The following CSMD1 variants were observed in gnomAD, a reference collection of about 807,000 sequenced individuals.
The protein encoded by CSMD1 is CUB and Sushi multiple domains 1.
A neutral mutation model predicts 417.5 loss-of-function variants in CSMD1; 213 were observed. The observed-to-expected ratio is 0.51, with a 90% confidence interval of 0.46 to 0.57. The LOEUF is 0.57. CSMD1 is among the 20% of genes least tolerant of loss of function. The pLI is 0.00. For synonymous variants in CSMD1, 2,862 were observed against 1,736.8 expected (o/e 1.65, Z -16.11); for missense variants, 6,923 against 4,529.7 (o/e 1.53, Z -15.17).
At chr8:4,899,935 C>T (rs959196970) in intron 1 of CSMD1, among the ~76,000 whole-genome samples, 21 of 152,254 alleles carry the variant, frequency 1.4e-4, no homozygotes, top group African/African-American at 4.8e-4. Flanking sequence ...GTCTTGTTCA[C>T]AGTAGGCCTT....
At chr8:3,185,898 G>A (rs1028387948) in intron 36 of CSMD1, among the ~76,000 whole-genome samples, 1 of 152,168 alleles carries the variant, frequency 6.6e-6, no homozygotes, top group Non-Finnish European at 1.5e-5. Context: ...TCTGAGTGTA[G>A]AGAAACAGAC....
rs181190082 is a variant in CSMD1 at position 3,507,893 on chromosome 8, G to A, written c.1345-14167C>T. 3.3e-5 allele frequency among the ~76,000 whole-genome samples: 5 copies of A among 152,104 alleles called. No homozygotes were observed. In the South Asian group the frequency reaches 6.2e-4, roughly 19 times the overall value. ...TGCAAATTTGTTTGAGTTCATTGTA[G>A]ATTCTGGATATTAGCCCTTTGTCAG... On this transcript the variant is annotated intron_variant, in intron 10 of 69. Transcript: ENST00000635120.
At chr8:3,515,548 G>C (rs901011004) in intron 10 of CSMD1, among the ~76,000 whole-genome samples, 6 of 152,170 alleles carry the variant, frequency 3.9e-5, no homozygotes, top group African/African-American at 1.4e-4. Flanking sequence ...TGAGAAAGCA[G>C]GACATGCTCT....
intron 7 of CSMD1, among the ~76,000 whole-genome samples, chr8:3,655,000 A>G (rs1331604546): frequency 6.6e-6 from 1 of 152,218 alleles, no homozygotes; most frequent in Non-Finnish European, 1.5e-5. Context: ...AGAAAGGGAG[A>G]CAGCAATAAC....
intron 1 of CSMD1, among the ~76,000 whole-genome samples, chr8:4,885,342 T>C (rs914504150): frequency 1.3e-5 from 2 of 152,134 alleles, no homozygotes; most frequent in African/African-American, 2.4e-5. Context: ...TCTTGCCTAA[T>C]ATGCTTTCTA....
At chr8:4,767,451 T>C (rs2164906) in intron 1 of CSMD1, among the ~76,000 whole-genome samples, 75,945 of 151,548 alleles carry the variant, frequency 0.5, 19,290 homozygotes, top group Admixed American at 0.64. Flanking sequence ...ATCCCGCACA[T>C]AGCTCACTGG....
intron 10 of CSMD1, among the ~76,000 whole-genome samples, chr8:3,553,869 C>T (rs1259751683): frequency 4.6e-5 from 7 of 152,210 alleles, no homozygotes; most frequent in East Asian, 3.9e-4. Context: ...ATGCCAAACA[C>T]GTACACATAC....
At chr8:4,082,667 G>C (rs1030736527) in intron 3 of CSMD1, among the ~76,000 whole-genome samples, 4 of 151,750 alleles carry the variant, frequency 2.6e-5, no homozygotes, top group South Asian at 2.1e-4. Context: ...ACAATGTGCA[G>C]GTTAGTTACA....
At chr8:4,298,077 G>T (rs879316543) in intron 3 of CSMD1, among the ~76,000 whole-genome samples, 1 of 152,020 alleles carries the variant, frequency 6.6e-6, no homozygotes, top group Non-Finnish European at 1.5e-5. Flanking sequence ...GCGTCTCTCT[G>T]GTGAAAACCC....
chr8:4,160,862 G>C (rs189178108), intron 3 of CSMD1, among the ~76,000 whole-genome samples: 70 of 152,294 alleles, frequency 4.6e-4, no homozygotes, highest in African/African-American at 1.6e-3. Context: ...TTTCCTTAAG[G>C]AGAAATTCTA....
intron 49 of CSMD1, among the ~76,000 whole-genome samples, chr8:3,078,881 T>C (rs1437842540): frequency 6.6e-6 from 1 of 152,186 alleles, no homozygotes; most frequent in Non-Finnish European, 1.5e-5. Flanking sequence ...TCTGACTGCA[T>C]GCGAGTTCCT....
intron 1 of CSMD1, among the ~76,000 whole-genome samples, chr8:4,801,814 T>C (rs937535077): frequency 6.6e-6 from 1 of 152,208 alleles, no homozygotes; most frequent in African/African-American, 2.4e-5. Flanking sequence ...ATACAGCTAC[T>C]CTTTTCTAAA....
chr8:3,618,973 G>C (rs1246620727), intron 7 of CSMD1, among the ~76,000 whole-genome samples: 3 of 152,102 alleles, frequency 2.0e-5, no homozygotes, highest in Non-Finnish European at 2.9e-5. Context: ...GGTCAGATGA[G>C]GAAGGGCGGC....
intron 1 of CSMD1, among the ~76,000 whole-genome samples, chr8:4,927,481 T>C: frequency 6.6e-6 from 1 of 152,204 alleles, no homozygotes; most frequent in East Asian, 1.9e-4. Flanking sequence ...CTCAAGTCTT[T>C]GCTTTGTAGC....
At chr8:3,676,286 T>G (rs1265522666) in intron 7 of CSMD1, among the ~76,000 whole-genome samples, 1 of 152,152 alleles carries the variant, frequency 6.6e-6, no homozygotes, top group Non-Finnish European at 1.5e-5. Flanking sequence ...ACCAACTCTG[T>G]GGCCCTGGGG....
intron 7 of CSMD1, among the ~76,000 whole-genome samples, chr8:3,684,604 T>C (rs1241925874): frequency 2.7e-5 from 4 of 149,186 alleles, no homozygotes; most frequent in African/African-American, 9.8e-5. Context: ...GTCTTTTTTT[T>C]TTTTTTTTTT....
chr8:4,882,764 A>G (rs1293023722), intron 1 of CSMD1, among the ~76,000 whole-genome samples: 4 of 152,018 alleles, frequency 2.6e-5, no homozygotes, highest in Admixed American at 2.6e-4. Context: ...TCTTTTAAAA[A>G]AAACAGAATG....
intron 5 of CSMD1, among the ~76,000 whole-genome samples, chr8:3,873,814 A>C (rs1180566986): frequency 2.6e-5 from 4 of 152,202 alleles, no homozygotes; most frequent in African/African-American, 9.6e-5. Context: ...AGAAAAGCAC[A>C]CATGGTCACG....
At chr8:4,402,168 C>G (rs566667186) in intron 3 of CSMD1, among the ~76,000 whole-genome samples, 1 of 152,098 alleles carries the variant, frequency 6.6e-6, no homozygotes, top group South Asian at 2.1e-4. Context: ...CTAATACCAA[C>G]CACATCTACT....
Sources: gnomAD v4.1 joint callset for allele counts (sites outside exome capture counted in the v4.1 genomes callset) on GRCh38, gnomAD v4.1.1 for gene constraint, MANE v1.5 for transcripts, NCBI Gene and HGNC (gene_info 2026-07-23, HGNC 2026-07-21) for gene names.